Variants in TSHZ1 observed in about 807,000 individuals in gnomAD.
The protein encoded by TSHZ1 is teashirt homolog 1.
In TSHZ1, 12 loss-of-function variants were observed where a neutral mutation model predicts 67.1. The ratio of observed to expected loss-of-function variants is 0.18; its 90% confidence interval spans 0.11 to 0.29. TSHZ1 has a LOEUF of 0.29. Ranked by LOEUF, TSHZ1 falls within the 10% of genes least tolerant of loss-of-function variation. The pLI, the probability that TSHZ1 is intolerant of heterozygous loss-of-function variation, is 1.00. For missense variants in TSHZ1, 1,305 were observed against 1,413.9 expected, an observed-to-expected ratio of 0.92 and a Z score of 1.23; for synonymous variants, 632 against 622.4, an observed-to-expected ratio of 1.02 and a Z score of -0.23.
chr18:75,251,800 G>T lies in TSHZ1; in HGVS notation c.41-33648G>T, dbSNP rs545116045. On this transcript the variant is annotated intron_variant, in intron 1 of 1. Coordinates refer to ENST00000580243, the MANE Select transcript of TSHZ1 (RefSeq NM_001308210.2). Reference sequence around the variant, plus strand: ...GGTCATGTTATTTGCTAATTTTTCTGTTGCTTTGTTCCATCATCTTACTCA... The same window carrying T: ...GGTCATGTTATTTGCTAATTTTTCTTTTGCTTTGTTCCATCATCTTACTCA... 2.6e-5 allele frequency among the ~76,000 whole-genome samples: 4 copies of T among 152,118 alleles called. No individual in the cohort carries two copies. In the East Asian group the frequency reaches 5.8e-4, roughly 22 times the overall value.
chr18:75,265,520 C>T (rs1246976671), intron 1 of TSHZ1, among the ~76,000 whole-genome samples: 1 of 152,170 alleles, frequency 6.6e-6, no homozygotes, highest in African/African-American at 2.4e-5. Flanking sequence ...CGTCGTAGGT[C>T]GTATTTCAAA....
chr18:75,244,024 TA>T (rs553778644), intron 1 of TSHZ1, among the ~76,000 whole-genome samples: 171 of 152,206 alleles, frequency 1.1e-3, no homozygotes, highest in African/African-American at 4.1e-3. Context: ...TTATGGTAAG[TA>T]TGGGGTTTTA....
At chr18:75,231,456 T>G (rs1051378651) in intron 1 of TSHZ1, among the ~76,000 whole-genome samples, 2 of 152,236 alleles carry the variant, frequency 1.3e-5, no homozygotes, top group Non-Finnish European at 2.9e-5. Flanking sequence ...TTAGCATTGT[T>G]GACCCCAAGA....
rs1207876656 is a variant in TSHZ1 at position 75,287,508 on chromosome 18, A to G, written c.2101A>G (p.Lys701Glu). ...QKKGPEAETG[K>E]AKKEGPLDVH... ...GAAGGGCCCTGAGGCCGAGACTGGGAAGGCCAAAAAGGAGGGACCGCTGGA... is the reference window on the plus strand; with the variant it reads ...GAAGGGCCCTGAGGCCGAGACTGGGGAGGCCAAAAAGGAGGGACCGCTGGA... The change falls in exon 2 of 2, where the codon AAG becomes GAG. Residue 701 changes from lysine (K) to glutamate (E), a missense_variant. Around this residue, in one of 3 missense-constraint regions of TSHZ1, gnomAD observed 909 missense variants for 961.8 expected, o/e 0.95. Coordinates refer to ENST00000580243, the MANE Select transcript of TSHZ1 (RefSeq NM_001308210.2). This position sits in a 1 kb window ranked among gnomAD's most constrained non-coding sequence, Gnocchi z 5.0. 6.2e-7 allele frequency: 1 copy of G among 1,614,134 alleles called. No homozygotes were observed. Among genetic ancestry groups the G allele is most frequent in the African/African-American group, 1.3e-5 (1 of 74,944 alleles).
Position 75,287,439 on chromosome 18 carries a change from A to G in TSHZ1, c.2032A>G (p.Lys678Glu). ...KAASPIAKEN[K>E]DFPKTEEVSG... ...TGCGTCCCCCATAGCAAAAGAGAATAAAGATTTCCCGAAAACGGAGGAAGT... is the reference window on the plus strand; with the variant it reads ...TGCGTCCCCCATAGCAAAAGAGAATGAAGATTTCCCGAAAACGGAGGAAGT... The change falls in exon 2 of 2, where the codon AAA (lysine) becomes GAA (glutamate). Residue 678 changes from lysine to glutamate, a missense_variant. This residue lies in a region of TSHZ1 where 909 missense variants were observed against 961.8 expected (regional missense o/e 0.95). Transcript: ENST00000580243. This position sits in a 1 kb window ranked among gnomAD's most constrained non-coding sequence, Gnocchi z 5.0. 6.2e-7 allele frequency: 1 copy of G among 1,614,196 alleles called. No individual in the cohort carries two copies. The highest frequency in any genetic ancestry group is 8.5e-7 in the Non-Finnish European group (1 of 1,180,022).
intron 1 of TSHZ1, among the ~76,000 whole-genome samples, chr18:75,267,954 C>A (rs1373675960): frequency 6.6e-6 from 1 of 152,114 alleles, no homozygotes; most frequent in Non-Finnish European, 1.5e-5. Context: ...GAAGTGGGTT[C>A]GAAGGGGGTT....
Position 75,211,476 on chromosome 18 carries a change from G to GCGCGCCGGGAGGAGCGC in TSHZ1, c.-399_-383dup, listed in dbSNP as rs1287652539. 6.8e-6 allele frequency: 1 copy of GCGCGCCGGGAGGAGCGC among 148,058 alleles called. No individual in the cohort carries two copies. The highest frequency in any genetic ancestry group is 2.0e-4 in the East Asian group (1 of 4,970). The allele number at this position is 148,058 out of a possible 1,614,324, so 9.2% of individuals were successfully genotyped here. On this transcript the variant is annotated 5_prime_UTR_variant, in exon 1 of 2. Coordinates refer to ENST00000580243, the MANE Select transcript of TSHZ1 (RefSeq NM_001308210.2). ...AAGGCGCAGGGGAGCGCCCGGAGCG[G>GCGCGCCGGGAGGAGCGC]CGCGCCGGGAGGAGCGCCCGCCCAG...
chr18:75,235,769 T>A (rs1245652334), intron 1 of TSHZ1, among the ~76,000 whole-genome samples: 1 of 152,146 alleles, frequency 6.6e-6, no homozygotes, highest in Non-Finnish European at 1.5e-5. Flanking sequence ...GAAACAAAAA[T>A]TCCATTTTCC....
Position 75,289,922 on chromosome 18 carries a change from AC to A in TSHZ1, c.*1284del, listed in dbSNP as rs1176040883. 4 of 167,090 alleles carry A rather than the reference AC, an allele frequency of 2.4e-5. No homozygotes were observed. The highest frequency in any genetic ancestry group is 1.5e-5 in the Non-Finnish European group (1 of 68,124). 10.4% of individuals were successfully genotyped at this position (167,090 alleles called of 1,614,324 possible). The stretch of plus-strand genomic sequence containing the variant: ...CACTGTTTTCTCAGATGTAAAATAA[AC>A]CCACATGCAGTTCTTGATTTACACG... On this transcript the variant is annotated 3_prime_UTR_variant, in exon 2 of 2. Transcript: ENST00000580243.
At chr18:75,246,403 G>GGTGTGTGTGTGTGTGC (rs1555727134) in intron 1 of TSHZ1, among the ~76,000 whole-genome samples, 57 of 108,432 alleles carry the variant, frequency 5.3e-4, no homozygotes, top group Non-Finnish European at 1.0e-3. Flanking sequence ...TTTGGTTTCT[G>GGTGTGTGTGTGTGTGC]GTGTGTGTGT....
chr18:75,229,041 T>C (rs1043774134), intron 1 of TSHZ1, among the ~76,000 whole-genome samples: 1 of 152,256 alleles, frequency 6.6e-6, no homozygotes. Context: ...TTGTTGCATA[T>C]GGTGGATAGA....
At chr18:75,216,850 G>A (rs984820326) in intron 1 of TSHZ1, among the ~76,000 whole-genome samples, 1 of 152,222 alleles carries the variant, frequency 6.6e-6, no homozygotes, top group Middle Eastern at 3.4e-3. Flanking sequence ...GTATTGGCTT[G>A]GGGAGCTTCT....
intron 1 of TSHZ1, among the ~76,000 whole-genome samples, chr18:75,224,076 A>G (rs1217966215): frequency 6.6e-6 from 1 of 151,096 alleles, no homozygotes; most frequent in Non-Finnish European, 1.5e-5. Context: ...AAAAAAAAAA[A>G]AAAAGATCCT....
At chr18:75,250,467 G>A (rs1441275574) in intron 1 of TSHZ1, among the ~76,000 whole-genome samples, 1 of 152,228 alleles carries the variant, frequency 6.6e-6, no homozygotes, top group Non-Finnish European at 1.5e-5. Context: ...GCCAGGGTGG[G>A]CGCAAGCCCT....
intron 1 of TSHZ1, among the ~76,000 whole-genome samples, chr18:75,237,042 G>C (rs921423568): frequency 6.6e-6 from 1 of 152,162 alleles, no homozygotes; most frequent in African/African-American, 2.4e-5. Flanking sequence ...GGGTAGCAGC[G>C]TGAGCCCTGG....
intron 1 of TSHZ1, among the ~76,000 whole-genome samples, chr18:75,261,993 G>T (rs1054162526): frequency 6.6e-6 from 1 of 152,202 alleles, no homozygotes; most frequent in Non-Finnish European, 1.5e-5. Flanking sequence ...GGAGACAGGG[G>T]TTGTGCCTGG....
intron 1 of TSHZ1, among the ~76,000 whole-genome samples, chr18:75,240,289 T>TA (rs2023137101): frequency 6.6e-6 from 1 of 152,146 alleles, no homozygotes; most frequent in African/African-American, 2.4e-5. Context: ...TGATATTTCT[T>TA]AAAAATTTTA....
intron 1 of TSHZ1, among the ~76,000 whole-genome samples, chr18:75,238,462 G>A (rs1230422400): frequency 2.6e-5 from 4 of 152,268 alleles, no homozygotes; most frequent in East Asian, 1.9e-4. Flanking sequence ...GAAAAGCGTC[G>A]ACATGGATGA....
At position 75,281,221 on chromosome 18, in the gene TSHZ1, G is replaced by A. The variant is rs910953452; in HGVS notation, c.41-4227G>A. Among the ~76,000 whole-genome samples the A allele has an allele frequency of 1.3e-5, 2 of 152,194 alleles. No individual in the cohort carries two copies. The highest frequency in any genetic ancestry group is 2.4e-5 in the African/African-American group (1 of 41,440). ...TCTGGCCACAGCTGGTCATCAGTGC[G>A]GGGGGCCAGTTTGGATGCGGGGCCT... is the stretch of plus-strand genomic sequence containing the variant. On this transcript the variant is annotated intron_variant, in intron 1 of 1. Transcript: ENST00000580243. This position sits in a 1 kb window ranked among gnomAD's most constrained non-coding sequence, Gnocchi z 5.3.
Sources: allele counts gnomAD v4.1 joint callset (sites outside exome capture counted in the v4.1 genomes callset), GRCh38; gene constraint gnomAD v4.1.1; regional missense constraint gnomAD v4.1.1; non-coding constraint Gnocchi (gnomAD v3.1); transcripts MANE v1.5; gene names NCBI Gene and HGNC (gene_info 2026-07-23, HGNC 2026-07-21).